Variants in NOC3L observed in about 807,000 individuals in gnomAD.
The protein encoded by NOC3L is NOC3 like DNA replication regulator.
NOC3L carries 85 observed loss-of-function variants against 102.5 expected under a neutral mutation model. That is an observed-to-expected ratio of 0.83 (90% CI 0.70 to 0.99). The LOEUF is 0.99. NOC3L is among the 50% of genes least tolerant of loss of function. The probability of loss-of-function intolerance (pLI) is 0.00; values close to 1 mark genes in which losing one functional copy is unlikely to be tolerated. For missense variants in NOC3L, 878 were observed against 914.9 expected (o/e 0.96, Z 0.52); for synonymous variants, 303 against 309.4 (o/e 0.98, Z 0.22).
At chr10:94,341,270 T>A (rs1270374056) in intron 14 of NOC3L, among the ~76,000 whole-genome samples, 1 of 152,000 alleles carries the variant, frequency 6.6e-6, no homozygotes, top group Non-Finnish European at 1.5e-5. Flanking sequence ...CTATTATCTA[T>A]TTCAAAATAG....
At chr10:94,357,529 T>C (rs2134011400) in intron 3 of NOC3L, 198 bp from the exon 4 acceptor site, 2 of 390,558 alleles carry the variant, frequency 5.1e-6, no homozygotes, top group Non-Finnish European at 8.9e-6. Flanking sequence ...CAACCTACCA[T>C]ACAAACTCAA....
the NOC3L span, chr10:94,321,939 G>T: frequency 6.2e-7 from 1 of 1,613,774 alleles, no homozygotes; most frequent in East Asian, 2.2e-5. Context: ...ATGACAAAGA[G>T]GTGATCTTGA....
chr10:94,317,767 T>TACTA, the NOC3L span, among the ~76,000 whole-genome samples: 59 of 152,280 alleles, frequency 3.9e-4, no homozygotes, highest in African/African-American at 1.4e-3. Context: ...GAGAAAACCC[T>TACTA]ACTAACTTAA....
At chr10:94,340,518 G>A (rs369999327) in intron 14 of NOC3L, 22 bp from the exon 15 acceptor site, 90 of 943,806 alleles carry the variant, frequency 9.5e-5, no homozygotes, top group Admixed American at 1.4e-4. Context: ...AAAGGGGGGG[G>A]TGAGGGGGAT....
intron 9 of NOC3L, among the ~76,000 whole-genome samples, chr10:94,349,852 G>A (rs570631258): frequency 3.9e-5 from 6 of 152,146 alleles, no homozygotes; most frequent in Non-Finnish European, 8.8e-5. Flanking sequence ...TCTGCCTCCT[G>A]AGTTCACGCC....
At chr10:94,344,176 C>T (rs1197340533) in intron 13 of NOC3L, among the ~76,000 whole-genome samples, 2 of 152,082 alleles carry the variant, frequency 1.3e-5, no homozygotes, top group East Asian at 3.8e-4. Context: ...ACCTTAGGAA[C>T]ACCTAGAATT....
At chr10:94,355,891 C>A (rs955254443) in intron 5 of NOC3L, among the ~76,000 whole-genome samples, 2 of 152,104 alleles carry the variant, frequency 1.3e-5, no homozygotes, top group Non-Finnish European at 2.9e-5. Flanking sequence ...TCATAGGGAA[C>A]TAGATTTAAT....
intron 1 of NOC3L, 107 bp from the exon 2 acceptor site, chr10:94,361,979 T>C (rs1174115386): frequency 2.3e-6 from 2 of 861,494 alleles, no homozygotes; most frequent in African/African-American, 1.7e-5. Flanking sequence ...AATTTCAATG[T>C]CCCACAGCCA....
rs895551080 is a variant in NOC3L, at chr10:94,355,183, T to C, written c.566-90A>G. Reference sequence around the variant, plus strand: ...AATATTTTTACAGTAATAATAATAATGACAACAGCTAAGAATTTTGTATTT... The same window carrying C: ...AATATTTTTACAGTAATAATAATAACGACAACAGCTAAGAATTTTGTATTT... On this transcript the variant is annotated intron_variant, in intron 5 of 20. Coordinates refer to ENST00000371361, the MANE Select transcript of NOC3L (RefSeq NM_022451.11). 45 of 1,165,694 alleles carry C rather than the reference T, an allele frequency of 3.9e-5. 1 individual carries two copies. In the Middle Eastern group the frequency reaches 3.0e-3, roughly 78 times the overall value. The allele number at this position is 1,165,694 out of a possible 1,614,324, so 72.2% of individuals were successfully genotyped here.
At chr10:94,337,122 A>C (rs28478908) in intron 19 of NOC3L, among the ~76,000 whole-genome samples, 4,313 of 152,042 alleles carry the variant, frequency 0.028, 72 homozygotes, top group African/African-American at 0.048. Context: ...ACTTGTGAAA[A>C]TTTTGTAAGT....
rs147634769 is a variant in NOC3L, at chr10:94,339,898, C to G, written c.1803G>C (p.Glu601Asp). Reference sequence around the variant, plus strand: ...TGACATCAAGGCACTGGAGTACAATCTCAACACCTTCATTGGTAGCACCTA... The same window carrying G: ...TGACATCAAGGCACTGGAGTACAATGTCAACACCTTCATTGGTAGCACCTA... ...LHAGATNEGV[E>D]IVLQCLDVML... is the part of the protein sequence containing the mutation. Residue 601 changes from glutamate (E) to aspartate (D), a missense_variant, in exon 17 of 21, where the codon GAG (glutamate) becomes GAC (aspartate). Transcript: ENST00000371361. 5.6e-6 allele frequency: 9 copies of G among 1,613,900 alleles called. No homozygotes were observed. The highest frequency in any genetic ancestry group is 7.6e-6 in the Non-Finnish European group (9 of 1,179,938).
intron 11 of NOC3L, among the ~76,000 whole-genome samples, chr10:94,345,925 C>A (rs576518369): frequency 2.6e-5 from 4 of 152,132 alleles, no homozygotes; most frequent in Admixed American, 6.5e-5. Flanking sequence ...TTAACCTGCA[C>A]GATTACCCTG....
chr10:94,344,997 A>C (rs2054327297), intron 11 of NOC3L, 64 bp from the exon 12 acceptor site: 1 of 1,131,164 alleles, frequency 8.8e-7, no homozygotes, highest in Non-Finnish European at 1.3e-6. Flanking sequence ...AAGCAGAGGC[A>C]GAATACGTAA....
chr10:94,358,206 A>G lies in NOC3L; in HGVS notation c.227T>C (p.Ile76Thr). ...NPKEKRPGKR[I>T]EREEEEEEEA... ...TTCTTCTTCCTCTTCTTCCCTCTCA[A>G]TCCTTTTACCTGTACCACACACACA... Residue 76 changes from isoleucine to threonine, a missense_variant, in exon 3 of 21, where the codon ATT (isoleucine) becomes ACT (threonine). Transcript: ENST00000371361. 1 of 1,494,854 alleles carries G rather than the reference A, an allele frequency of 6.7e-7. No individual in the cohort carries two copies. The highest frequency in any genetic ancestry group is 1.1e-5 in the South Asian group (1 of 88,852). 92.6% of individuals were successfully genotyped at this position (1,494,854 alleles called of 1,614,324 possible). A position where few individuals can be genotyped will look rare whatever the true frequency, so the allele number is the denominator to read the frequency against.
At position 94,333,242 on chromosome 10, in the gene NOC3L, A is replaced by AC. The variant is rs977861759; in HGVS notation, c.*934dup. ...TCACAAGAATAGGAAGCAGAAAAAA[A>AC]CAGCTGTTTTATTCAACTATTCACA... On this transcript the variant is annotated 3_prime_UTR_variant, in exon 21 of 21. Coordinates refer to ENST00000371361, the MANE Select transcript of NOC3L (RefSeq NM_022451.11). 6 of 152,196 alleles carry AC rather than the reference A, an allele frequency of 3.9e-5. No homozygotes were observed. The highest frequency in any genetic ancestry group is 8.8e-5 in the Non-Finnish European group (6 of 68,018). 9.4% of individuals were successfully genotyped at this position (152,196 alleles called of 1,614,324 possible). A position where few individuals can be genotyped will look rare whatever the true frequency, so the allele number is the denominator to read the frequency against.
chr10:94,343,278 C>T (rs1302176788), intron 13 of NOC3L, among the ~76,000 whole-genome samples: 1 of 152,138 alleles, frequency 6.6e-6, no homozygotes, highest in East Asian at 1.9e-4. Flanking sequence ...AGCATGGTGG[C>T]TCACGCCTGT....
rs2054396672 is a variant in NOC3L, at chr10:94,350,074, T to G, written c.1128+39A>C. On this transcript the variant is annotated intron_variant, in intron 9 of 20. Coordinates refer to ENST00000371361, the MANE Select transcript of NOC3L (RefSeq NM_022451.11). The stretch of plus-strand genomic sequence containing the variant: ...TGCCTGGCCCACATGGTGTATAATT[T>G]TCTAAGGAGGACAGCAATAACCATT... The G allele has an allele frequency of 3.7e-6, 6 of 1,606,298 alleles. No individual in the cohort carries two copies. The East Asian group carries it at 1.3e-4, about 36-fold the overall frequency.
Position 94,361,774 on chromosome 10 carries a change from T to C in NOC3L, c.108A>G (p.Gln36=). The part of the protein sequence containing the change: ...NKLKNKQFKQ[Q]STLKKYRKEQ... Reference sequence around the variant, plus strand: ...CTTTTCGGTACTTCTTGAGAGTGCTTTGTTGTTTAAACTGCTTATTTTTTA... The same window carrying C: ...CTTTTCGGTACTTCTTGAGAGTGCTCTGTTGTTTAAACTGCTTATTTTTTA... The change falls in exon 2 of 21, where the codon CAA becomes CAG. Residue 36 remains glutamine (Q), a synonymous_variant. Coordinates refer to ENST00000371361, the MANE Select transcript of NOC3L (RefSeq NM_022451.11). 6.2e-7 allele frequency: 1 copy of C among 1,614,082 alleles called. No individual in the cohort carries two copies. The highest frequency in any genetic ancestry group is 1.3e-5 in the African/African-American group (1 of 75,070).
At chr10:94,349,408 T>C (rs1307533695) in intron 9 of NOC3L, 30 bp from the exon 10 acceptor site, 2 of 1,564,012 alleles carry the variant, frequency 1.3e-6, no homozygotes, top group Non-Finnish European at 8.6e-7. Flanking sequence ...ACTTAACCAG[T>C]GTTTCTCAAC....
Sources: gnomAD v4.1 joint callset for allele counts (sites outside exome capture counted in the v4.1 genomes callset) on GRCh38, gnomAD v4.1.1 for gene constraint, MANE v1.5 for transcripts, NCBI Gene and HGNC (gene_info 2026-07-23, HGNC 2026-07-21) for gene names.